Variants in GRK5 observed in about 807,000 individuals in gnomAD.
The protein encoded by GRK5 is g protein-coupled receptor kinase GRK5.
Under a neutral mutation model 78.4 loss-of-function variants are expected in GRK5, and 40 were observed. The observed-to-expected ratio is 0.51, with a 90% CI of 0.40 to 0.66. GRK5 has a LOEUF of 0.66. Among genes scored for constraint, GRK5 ranks in the 30% least tolerant of loss-of-function variants. The pLI, the probability that GRK5 is intolerant of heterozygous loss-of-function variation, is 0.00. For missense variants in GRK5, 598 were observed against 759.9 expected (o/e 0.79, Z 2.50); for synonymous variants, 289 against 296.8 (o/e 0.97, Z 0.27).
At chr10:119,291,279 G>A (rs752638154) in intron 1 of GRK5, among the ~76,000 whole-genome samples, 29 of 152,052 alleles carry the variant, frequency 1.9e-4, no homozygotes, top group African/African-American at 6.8e-4. Flanking sequence ...TCACCAATTC[G>A]GCAGGAGATG....
intron 1 of GRK5, among the ~76,000 whole-genome samples, chr10:119,274,134 G>C (rs1021891466): frequency 6.6e-6 from 1 of 152,168 alleles, no homozygotes; most frequent in East Asian, 1.9e-4. Context: ...AGCAAAGCTT[G>C]GTTAGCCATC....
intron 4 of GRK5, among the ~76,000 whole-genome samples, chr10:119,415,223 G>T (rs1236059937): frequency 1.3e-5 from 2 of 152,144 alleles, no homozygotes; most frequent in African/African-American, 4.8e-5. Context: ...CTTAGATGTG[G>T]TTATGTCAGA....
At chr10:119,396,488 C>A (rs1181530829) in intron 3 of GRK5, among the ~76,000 whole-genome samples, 1 of 152,206 alleles carries the variant, frequency 6.6e-6, no homozygotes, top group Non-Finnish European at 1.5e-5. Flanking sequence ...CATCCTGAGA[C>A]CCAGCATCTG....
chr10:119,274,988 C>A (rs150086113), intron 1 of GRK5, among the ~76,000 whole-genome samples: 1 of 152,170 alleles, frequency 6.6e-6, no homozygotes, highest in African/African-American at 2.4e-5. Flanking sequence ...TATGGTTTAG[C>A]CACAAGCTAG....
At chr10:119,443,438 G>T in intron 11 of GRK5, 106 bp from the exon 12 acceptor site, 1 of 963,792 alleles carries the variant, frequency 1.0e-6, no homozygotes, top group East Asian at 2.6e-5. Context: ...CACAGCAGTT[G>T]GTGGGGTAAG....
intron 6 of GRK5, among the ~76,000 whole-genome samples, chr10:119,427,292 G>A (rs554158648): frequency 0.022 from 54 of 2,444 alleles, 2 homozygotes; most frequent in African/African-American, 0.2. Flanking sequence ...CAGCATCATC[G>A]CCATCAACAG....
At chr10:119,353,441 T>C (rs1851216007) in intron 2 of GRK5, among the ~76,000 whole-genome samples, 1 of 152,220 alleles carries the variant, frequency 6.6e-6, no homozygotes, top group Admixed American at 6.5e-5. Flanking sequence ...AATATACTAA[T>C]TACAGTAGGC....
intron 1 of GRK5, among the ~76,000 whole-genome samples, chr10:119,259,776 T>A (rs1426035619): frequency 6.6e-6 from 1 of 152,240 alleles, no homozygotes; most frequent in East Asian, 1.9e-4. Flanking sequence ...ACTGAGTTTT[T>A]AATTTCATTT....
intron 6 of GRK5, among the ~76,000 whole-genome samples, chr10:119,428,290 G>A (rs761222688): frequency 4.6e-5 from 7 of 152,250 alleles, no homozygotes; most frequent in Non-Finnish European, 7.3e-5. Flanking sequence ...AAGCCTCAGC[G>A]TTCTCATCTG....
intron 1 of GRK5, among the ~76,000 whole-genome samples, chr10:119,313,014 A>ATGGTGATGGTGGTGGTAATGGTGGTGC (rs1850395668): frequency 1.9e-3 from 10 of 5,196 alleles, no homozygotes; most frequent in South Asian, 6.2e-3. Flanking sequence ...CGTGACGGTG[A>ATGGTGATGGTGGTGGTAATGGTGGTGC]TGGTAGTGGT....
In GRK5 at chr10:119,334,385, G is replaced by A. The variant is rs142475710; in HGVS notation, c.148+7774G>A. ...GTGTGAGCCCCACGTATGAACTAACGGATTTTCAACAGAACTGGCACAGGG... is the reference window on the plus strand; with the variant it reads ...GTGTGAGCCCCACGTATGAACTAACAGATTTTCAACAGAACTGGCACAGGG... On this transcript the variant is annotated intron_variant, in intron 2 of 15. Transcript: ENST00000392870. 6.6e-4 allele frequency: 102 copies of A among 155,716 alleles called. 1 individual carries two copies. The highest frequency in any genetic ancestry group is 6.8e-3 in the Middle Eastern group (2 of 296). 9.6% of individuals were successfully genotyped at this position (155,716 alleles called of 1,614,324 possible).
At chr10:119,246,019 C>CAAA (rs941734040) in intron 1 of GRK5, among the ~76,000 whole-genome samples, 11 of 14,032 alleles carry the variant, frequency 7.8e-4, no homozygotes, top group South Asian at 2.7e-3. Context: ...GACTCCATCT[C>CAAA]AAAAAAAAAA....
intron 2 of GRK5, among the ~76,000 whole-genome samples, chr10:119,331,824 A>G (rs1337779963): frequency 5.3e-5 from 8 of 152,204 alleles, no homozygotes; most frequent in Non-Finnish European, 1.2e-4. Context: ...CTGTGAAATC[A>G]TTCTCCTGCT....
chr10:119,433,102 A>G (rs755400343), intron 8 of GRK5, among the ~76,000 whole-genome samples: 2 of 152,146 alleles, frequency 1.3e-5, no homozygotes, highest in African/African-American at 2.4e-5. Flanking sequence ...CAAAACCACT[A>G]CAGACCAGTG....
chr10:119,447,697 C>T (rs1211851994), intron 12 of GRK5, among the ~76,000 whole-genome samples: 2 of 152,228 alleles, frequency 1.3e-5, no homozygotes, highest in Non-Finnish European at 2.9e-5. Context: ...GGCCAAGTGC[C>T]TCGGTGGTGC....
At chr10:119,272,575 CAAA>C (rs34489675) in intron 1 of GRK5, among the ~76,000 whole-genome samples, 108 of 97,592 alleles carry the variant, frequency 1.1e-3, no homozygotes, top group Middle Eastern at 5.6e-3. Flanking sequence ...GATTCTATCT[CAAA>C]AAAAAAAAAA....
chr10:119,215,325 G>C (rs1167014687), intron 1 of GRK5, among the ~76,000 whole-genome samples: 1 of 152,112 alleles, frequency 6.6e-6, no homozygotes, highest in African/African-American at 2.4e-5. Context: ...AGCTTCTCTA[G>C]AGGATTCTGT....
At chr10:119,207,998 C>T (rs1217927008) in intron 1 of GRK5, 29 bp downstream of exon 1, 2 of 1,594,176 alleles carry the variant, frequency 1.3e-6, no homozygotes, top group Admixed American at 3.4e-5. Flanking sequence ...ACGTGCCCGG[C>T]GCGTCCGCCG....
intron 3 of GRK5, among the ~76,000 whole-genome samples, chr10:119,387,626 C>A (rs942218760): frequency 1.3e-5 from 2 of 152,204 alleles, no homozygotes; most frequent in Non-Finnish European, 2.9e-5. Context: ...TGTCAGCCCC[C>A]ACAGGGCAAA....
Sources: gnomAD v4.1 joint callset for allele counts (sites outside exome capture counted in the v4.1 genomes callset) on GRCh38, gnomAD v4.1.1 for gene constraint, MANE v1.5 for transcripts, NCBI Gene and HGNC (gene_info 2026-07-23, HGNC 2026-07-21) for gene names.